The following TCF4 variants were observed in gnomAD, a reference collection of about 807,000 sequenced individuals.
TCF4 encodes the protein transcription factor 4.
A neutral mutation model predicts 82.1 loss-of-function variants in TCF4; 3 were observed. The ratio of observed to expected loss-of-function variants is 0.04; its 90% CI spans 0.02 to 0.09. The LOEUF is 0.09. Ranked by LOEUF, TCF4 falls within the 10% of genes least tolerant of loss-of-function variation. The pLI, the probability that TCF4 is intolerant of heterozygous loss-of-function variation, is 1.00. For missense variants in TCF4, 518 were observed against 852.7 expected, an observed-to-expected ratio of 0.61 and a Z score of 4.89; for synonymous variants, 276 against 309.6, an observed-to-expected ratio of 0.89 and a Z score of 1.14.
chr18:55,630,390 G>A (rs1173751764), intron 2 of TCF4, among the ~76,000 whole-genome samples: 1 of 152,154 alleles, frequency 6.6e-6, no homozygotes, highest in Non-Finnish European at 1.5e-5. Flanking sequence ...CACTGTGCTA[G>A]ACACTGGGAA....
At chr18:55,304,728 G>A (rs2069606540) in intron 8 of TCF4, among the ~76,000 whole-genome samples, 1 of 152,028 alleles carries the variant, frequency 6.6e-6, no homozygotes, top group Non-Finnish European at 1.5e-5. Flanking sequence ...CCTCACCCAA[G>A]ACCAAAGGAA....
intron 8 of TCF4, among the ~76,000 whole-genome samples, chr18:55,343,406 T>C (rs1054266619): frequency 1.3e-5 from 2 of 152,180 alleles, no homozygotes; most frequent in Non-Finnish European, 2.9e-5. Context: ...TAAGCACTTA[T>C]ATATCAAGTT....
chr18:55,373,954 A>G (rs915911082), intron 6 of TCF4, among the ~76,000 whole-genome samples: 4 of 152,144 alleles, frequency 2.6e-5, no homozygotes, highest in Admixed American at 2.0e-4. Flanking sequence ...CCATTTCCCC[A>G]CTCAGAATGC....
chr18:55,278,506 C>G (rs2061897115), intron 9 of TCF4, among the ~76,000 whole-genome samples: 1 of 152,166 alleles, frequency 6.6e-6, no homozygotes, highest in South Asian at 2.1e-4. Flanking sequence ...CTTGAAGTAG[C>G]TGCTATCATT....
At chr18:55,329,534 AC>A (rs1164253862) in intron 8 of TCF4, among the ~76,000 whole-genome samples, 4 of 152,220 alleles carry the variant, frequency 2.6e-5, no homozygotes, top group Non-Finnish European at 4.4e-5. Flanking sequence ...AAATTCATAA[AC>A]TTTTATTGAG....
chr18:55,271,387 C>T lies in TCF4; in HGVS notation c.790-1424G>A, dbSNP rs186315458. Among the ~76,000 whole-genome samples the T allele has an allele frequency of 7.9e-5, 12 of 152,196 alleles. No individual in the cohort carries two copies. The East Asian group carries it at 1.3e-3, about 17-fold the overall frequency. On this transcript the variant is annotated intron_variant, in intron 10 of 19. Transcript: ENST00000354452. ...CTACTGAACACATAATTATACTATA[C>T]GCTCAATGAACAATTGGTTATCAGT...
intron 2 of TCF4, among the ~76,000 whole-genome samples, chr18:55,613,135 C>A (rs1044943373): frequency 5.3e-5 from 8 of 151,954 alleles, no homozygotes; most frequent in African/African-American, 7.3e-5. Context: ...CAATAAACTG[C>A]ACATATTTAA....
At chr18:55,342,200 T>C (rs2080128630) in intron 8 of TCF4, among the ~76,000 whole-genome samples, 1 of 152,172 alleles carries the variant, frequency 6.6e-6, no homozygotes, top group Non-Finnish European at 1.5e-5. Context: ...AAAGGGAAAA[T>C]GAAATAGCAT....
chr18:55,246,401 C>A (rs549638477), intron 15 of TCF4, among the ~76,000 whole-genome samples: 1 of 152,074 alleles, frequency 6.6e-6, no homozygotes, highest in Non-Finnish European at 1.5e-5. Context: ...TTGAGGTAAA[C>A]ATCCAATGCC....
intron 15 of TCF4, among the ~76,000 whole-genome samples, chr18:55,241,444 A>AGTG: frequency 6.6e-6 from 1 of 152,378 alleles, no homozygotes; most frequent in African/African-American, 2.4e-5. Flanking sequence ...CTAGTGAACC[A>AGTG]AACATATCTA....
rs1485036010 is a variant in TCF4 at position 55,433,800 on chromosome 18, A to G, written c.304+27219T>C. On this transcript the variant is annotated intron_variant, in intron 5 of 19. Transcript: ENST00000354452. ...CTTTTGCTATTCTATTTTAGTTCCA[A>G]GCAAGCCTCCTTGGTTTTATGAGCT... Among the ~76,000 whole-genome samples, 3 of 152,134 alleles carry G rather than the reference A, an allele frequency of 2.0e-5. 1 individual carries two copies. The highest frequency in any genetic ancestry group is 4.4e-5 in the Non-Finnish European group (3 of 68,032).
At chr18:55,273,461 C>A (rs1195164783) in intron 10 of TCF4, among the ~76,000 whole-genome samples, 1 of 152,022 alleles carries the variant, frequency 6.6e-6, no homozygotes, top group Non-Finnish European at 1.5e-5. Flanking sequence ...GAAAGGACAC[C>A]AACTGCTACT....
intron 8 of TCF4, among the ~76,000 whole-genome samples, chr18:55,313,142 G>A (rs893312499): frequency 3.3e-5 from 5 of 152,110 alleles, no homozygotes; most frequent in African/African-American, 1.2e-4. Context: ...CAAAAGAACA[G>A]AGAAGAACAT....
intron 3 of TCF4, among the ~76,000 whole-genome samples, chr18:55,482,529 C>A (rs199958117): frequency 6.6e-6 from 1 of 152,144 alleles, no homozygotes; most frequent in Non-Finnish European, 1.5e-5. Flanking sequence ...TTGGAGACAG[C>A]GCCCCAAGAA....
intron 15 of TCF4, among the ~76,000 whole-genome samples, chr18:55,252,979 T>C (rs2055697404): frequency 6.6e-6 from 1 of 152,234 alleles, no homozygotes; most frequent in South Asian, 2.1e-4. Context: ...TTGTAAACTC[T>C]AAGCAACTGC....
chr18:55,542,096 T>C (rs1436869855), intron 3 of TCF4, among the ~76,000 whole-genome samples: 1 of 151,978 alleles, frequency 6.6e-6, no homozygotes, highest in African/African-American at 2.4e-5. Context: ...TGTGAATGTG[T>C]AAAATTAGGT....
At chr18:55,538,002 T>G (rs1461787521) in intron 3 of TCF4, among the ~76,000 whole-genome samples, 1 of 150,356 alleles carries the variant, frequency 6.7e-6, no homozygotes, top group Non-Finnish European at 1.5e-5. Flanking sequence ...TTTGCTAGTC[T>G]GGATTTTGCT....
intron 8 of TCF4, among the ~76,000 whole-genome samples, chr18:55,329,212 A>G (rs888901159): frequency 1.3e-5 from 2 of 152,216 alleles, no homozygotes; most frequent in African/African-American, 2.4e-5. Context: ...GATAGCCTAA[A>G]GCTTAAGCAG....
chr18:55,308,975 G>C (rs913760948), intron 8 of TCF4, among the ~76,000 whole-genome samples: 2 of 152,180 alleles, frequency 1.3e-5, no homozygotes, highest in Admixed American at 1.3e-4. Context: ...TTCTGTATCT[G>C]TGCTAATACA....
Sources: allele counts gnomAD v4.1 joint callset (sites outside exome capture counted in the v4.1 genomes callset), GRCh38; gene constraint gnomAD v4.1.1; transcripts MANE v1.5; gene names NCBI Gene and HGNC (gene_info 2026-07-23, HGNC 2026-07-21).